Variants in MIA3 observed in about 807,000 individuals in gnomAD.
MIA3 encodes transport and Golgi organization protein 1 homolog.
In MIA3, 90 loss-of-function variants were observed where a neutral mutation model predicts 192.4. The ratio of observed to expected loss-of-function variants is 0.47; its 90% CI spans 0.39 to 0.56. The LOEUF (loss-of-function observed/expected upper bound fraction) is 0.56. MIA3 is among the 20% of genes least tolerant of loss of function. The pLI, the probability that MIA3 is intolerant of heterozygous loss-of-function variation, is 0.00. For missense variants in MIA3, 2,123 were observed against 2,269.4 expected (o/e 0.94, Z 1.31); for synonymous variants, 740 against 792.8 (o/e 0.93, Z 1.12).
intron 7 of MIA3, among the ~76,000 whole-genome samples, chr1:222,646,933 A>G (rs1663175930): frequency 6.6e-6 from 1 of 152,182 alleles, no homozygotes; most frequent in Middle Eastern, 3.2e-3. Flanking sequence ...AACATGAAGT[A>G]GAAAAAAAGT....
chr1:222,653,349 G>T lies in MIA3; in HGVS notation c.4321+10G>T. ...AATGGAGAAGTGGGAGGTAAGATCA[G>T]CCTCAAGGAGGATGGACCCCTTTTG... On this transcript the variant is annotated intron_variant, in intron 15 of 27. Coordinates refer to ENST00000344922, the MANE Select transcript of MIA3 (RefSeq NM_198551.4). 2 of 1,588,770 alleles carry T rather than the reference G, an allele frequency of 1.3e-6. No individual in the cohort carries two copies. Among genetic ancestry groups the T allele is most frequent in the Non-Finnish European group, 1.7e-6 (2 of 1,158,676 alleles).
chr1:222,623,391 C>A (rs894840646), intron 2 of MIA3, among the ~76,000 whole-genome samples: 1 of 151,966 alleles, frequency 6.6e-6, no homozygotes, highest in African/African-American at 2.4e-5. Flanking sequence ...ATACCTCTAC[C>A]TCTGATTTGT....
At chr1:222,623,283 T>G (rs1458707596) in intron 2 of MIA3, among the ~76,000 whole-genome samples, 6 of 146,584 alleles carry the variant, frequency 4.1e-5, no homozygotes, top group Admixed American at 1.4e-4. Context: ...TTTTTTTTTG[T>G]TTTTTTTTTG....
intron 7 of MIA3, among the ~76,000 whole-genome samples, chr1:222,647,208 G>A (rs1663190028): frequency 6.6e-6 from 1 of 152,218 alleles, no homozygotes; most frequent in South Asian, 2.1e-4. Flanking sequence ...CTTCTGTGCA[G>A]AATTTGCCTT....
At chr1:222,653,932 G>T (rs1382853499) in intron 15 of MIA3, among the ~76,000 whole-genome samples, 1 of 152,202 alleles carries the variant, frequency 6.6e-6, no homozygotes, top group African/African-American at 2.4e-5. Context: ...CCTGGTAGTA[G>T]ATTCTGGAGG....
intron 6 of MIA3, among the ~76,000 whole-genome samples, chr1:222,634,994 A>T (rs1662566065): frequency 6.6e-6 from 1 of 152,224 alleles, no homozygotes; most frequent in Non-Finnish European, 1.5e-5. Context: ...GTAAGATCTC[A>T]TCCCTCACCT....
At position 222,651,969 on chromosome 1, in the gene MIA3, C is replaced by T; in HGVS notation, c.3910-8C>T. On this transcript the variant is annotated splice_region_variant and splice_polypyrimidine_tract_variant and intron_variant, in intron 11 of 27. Coordinates refer to ENST00000344922, the MANE Select transcript of MIA3 (RefSeq NM_198551.4). ...ATATGCATTTTGTGTTCTGTTTTTA[C>T]ATGGCAGATATCAGAAAACAAGAAA... 2.7e-6 allele frequency: 4 copies of T among 1,473,850 alleles called. No homozygotes were observed. The highest frequency in any genetic ancestry group is 3.8e-6 in the Non-Finnish European group (4 of 1,053,312). The allele number at this position is 1,473,850 out of a possible 1,614,324, so 91.3% of individuals were successfully genotyped here. A position where few individuals can be genotyped will look rare whatever the true frequency, so the allele number is the denominator to read the frequency against.
Position 222,629,387 on chromosome 1 carries a change from G to A in MIA3, c.2167G>A (p.Asp723Asn), listed in dbSNP as rs1227564571. 7 of 1,614,172 alleles carry A rather than the reference G, an allele frequency of 4.3e-6. No individual in the cohort carries two copies. The highest frequency in any genetic ancestry group is 5.9e-6 in the Non-Finnish European group (7 of 1,180,024). The change falls in exon 4 of 28, where the codon GAT becomes AAT. Residue 723 changes from aspartate to asparagine, a missense_variant. Around this residue, in one of 3 missense-constraint regions of MIA3, gnomAD observed 1,357 missense variants for 1,396.1 expected, o/e 0.97. Coordinates refer to ENST00000344922, the MANE Select transcript of MIA3 (RefSeq NM_198551.4). ...GPAFLSKVEE[D>N]DYPSEELLED... ...AGCTTTCCTTTCTAAAGTAGAAGAG[G>A]ATGATTATCCCTCTGAAGAACTACT...
At chr1:222,661,318 T>C (rs1228859001) in intron 24 of MIA3, 3 of 152,304 alleles carry the variant, frequency 2.0e-5, no homozygotes, top group African/African-American at 7.2e-5. Context: ...GTCATTTCAG[T>C]CAGACGATTC....
intron 24 of MIA3, chr1:222,661,175 T>A (rs549593041): frequency 6.5e-6 from 1 of 152,804 alleles, no homozygotes; most frequent in African/African-American, 2.4e-5. Flanking sequence ...ACATAAACCT[T>A]GAATAACACC....
intron 6 of MIA3, chr1:222,644,373 C>T (rs1357271537): frequency 4.1e-5 from 62 of 1,514,466 alleles, no homozygotes; most frequent in Non-Finnish European, 4.8e-5. Flanking sequence ...TCCCAGAGTC[C>T]GCCCCCTGAA....
chr1:222,633,724 G>A (rs1054478542), intron 6 of MIA3, among the ~76,000 whole-genome samples: 6 of 152,104 alleles, frequency 3.9e-5, no homozygotes, highest in African/African-American at 1.4e-4. Flanking sequence ...CTAGGGGAAG[G>A]ATGTGGGCAG....
rs1662858227 is a variant in MIA3, at chr1:222,641,654, CATATATT to C, written c.3478-3898_3478-3892del. ...TCCACATCATGCAGCTTCTCAGGGA[CATATATT>C]AAACTCGTCAGTGGGAGGAGTAATT... On this transcript the variant is annotated intron_variant, in intron 6 of 27. Coordinates refer to ENST00000344922, the MANE Select transcript of MIA3 (RefSeq NM_198551.4). 7.8e-5 allele frequency: 42 copies of C among 537,464 alleles called. 1 individual carries two copies. The highest frequency in any genetic ancestry group is 5.8e-4 in the South Asian group (42 of 72,318). 33.3% of individuals were successfully genotyped at this position (537,464 alleles called of 1,614,324 possible).
chr1:222,621,449 C>T (rs938978758), intron 2 of MIA3, among the ~76,000 whole-genome samples, 157 bp downstream of exon 2: 5 of 152,182 alleles, frequency 3.3e-5, no homozygotes, highest in Admixed American at 3.3e-4. Flanking sequence ...CCCAGCAGGC[C>T]TTGGGTCTGC....
At position 222,645,876 on chromosome 1, in the gene MIA3, T is replaced by G. The variant is rs1571889022; in HGVS notation, c.3609+191T>G. The stretch of plus-strand genomic sequence containing the variant: ...AGTGAATAAGACAACATGTATAATC[T>G]CAGTGGGAAAACTTCAGTTTATATG... On this transcript the variant is annotated intron_variant, in intron 7 of 27. Transcript: ENST00000344922. 1.9e-5 allele frequency: 10 copies of G among 520,948 alleles called. No homozygotes were observed. The East Asian group carries it at 4.8e-4, about 25-fold the overall frequency. 32.3% of individuals were successfully genotyped at this position (520,948 alleles called of 1,614,324 possible). A position where few individuals can be genotyped will look rare whatever the true frequency, so the allele number is the denominator to read the frequency against.
Position 222,652,162 on chromosome 1 carries a change from G to GT in MIA3, c.3982-64dup, listed in dbSNP as rs2124907561. ...AAAAATGAAAACTACATGATGTTGG[G>GT]TTGGAAAAGTAACTTTTTCTGGTTT... On this transcript the variant is annotated intron_variant, in intron 12 of 27. Coordinates refer to ENST00000344922, the MANE Select transcript of MIA3 (RefSeq NM_198551.4). The GT allele has an allele frequency of 6.2e-6, 9 of 1,447,238 alleles. No individual in the cohort carries two copies. In the South Asian group the frequency reaches 1.0e-4, roughly 17 times the overall value. The allele number at this position is 1,447,238 out of a possible 1,614,324, so 89.6% of individuals were successfully genotyped here.
At position 222,629,064 on chromosome 1, in the gene MIA3, G is replaced by C. The variant is rs747896552; in HGVS notation, c.1844G>C (p.Arg615Pro). The change falls in exon 4 of 28, where the codon CGT becomes CCT. Residue 615 changes from arginine to proline, a missense_variant. By Grantham distance (103) the Arg-to-Pro change is moderately radical (BLOSUM62 -2). This residue lies in a region of MIA3 where 1,357 missense variants were observed against 1,396.1 expected (regional missense o/e 0.97). Transcript: ENST00000344922. ...KLHTLSVEHQ[R>P]EELKEELVLK... ...CACACGCTTTCAGTGGAGCATCAAC[G>C]TGAGGAATTGAAAGAGGAATTAGTT... 2 of 1,614,092 alleles carry C rather than the reference G, an allele frequency of 1.2e-6. No homozygotes were observed. Among genetic ancestry groups the C allele is most frequent in the African/African-American group, 2.7e-5 (2 of 74,920 alleles).
chr1:222,646,656 G>T (rs1663162850), intron 7 of MIA3, among the ~76,000 whole-genome samples: 2 of 151,922 alleles, frequency 1.3e-5, no homozygotes, highest in South Asian at 4.1e-4. Context: ...GGAGGCTGAG[G>T]CAGGAGAATC....
Position 222,667,789 on chromosome 1 carries a change from G to A in MIA3, c.*2170G>A, listed in dbSNP as rs1168168391. The A allele has an allele frequency of 6.6e-6, 1 of 150,386 alleles. No homozygotes were observed. The highest frequency in any genetic ancestry group is 2.5e-5 in the African/African-American group (1 of 40,600). 9.3% of individuals were successfully genotyped at this position (150,386 alleles called of 1,614,324 possible). On this transcript the variant is annotated 3_prime_UTR_variant, in exon 28 of 28. Transcript: ENST00000344922. ...AAGTCATCTCCAACTAATTGTGTCTGGATTTAGTTGCTAAAATTGTCTTAT... is the reference window on the plus strand; with the variant it reads ...AAGTCATCTCCAACTAATTGTGTCTAGATTTAGTTGCTAAAATTGTCTTAT...
Sources: gnomAD v4.1 joint callset for allele counts (sites outside exome capture counted in the v4.1 genomes callset) on GRCh38, gnomAD v4.1.1 for gene constraint, gnomAD v4.1.1 regional missense constraint, MANE v1.5 for transcripts, NCBI Gene and HGNC (gene_info 2026-07-23, HGNC 2026-07-21) for gene names.